FBXO33: variants seen among roughly 807,000 people sequenced by gnomAD.
FBXO33 encodes the protein F-box only protein 33.
In FBXO33, 22 loss-of-function variants were observed where a neutral mutation model predicts 46.3. The ratio of observed to expected loss-of-function variants is 0.48; its 90% CI spans 0.34 to 0.68. FBXO33 has a LOEUF of 0.68. Among genes scored for constraint, FBXO33 ranks in the 30% least tolerant of loss-of-function variants. FBXO33 has a pLI of 0.01. For missense variants in FBXO33, 692 were observed against 708.8 expected, an observed-to-expected ratio of 0.98 and a Z score of 0.27; for synonymous variants, 337 against 291.3, an observed-to-expected ratio of 1.16 and a Z score of -1.60.
Position 39,431,635 on chromosome 14 carries a change from A to G in FBXO33, c.528T>C (p.Ala176=), listed in dbSNP as rs1199053742. ...AGGTGCGCAGCACTTCCAGCCAACG[A>G]GCTGAGAGCTGCAGGGCCTCGACTT... The part of the protein sequence containing the change: ...GEEVEALQLS[A]RWLEVLRTYL... The change falls in exon 1 of 4, where the codon GCT becomes GCC. Residue 176 remains alanine (A), a synonymous_variant. Transcript: ENST00000298097. 2 of 1,613,678 alleles carry G rather than the reference A, an allele frequency of 1.2e-6. No individual in the cohort carries two copies. The highest frequency in any genetic ancestry group is 1.7e-6 in the Non-Finnish European group (2 of 1,180,014).
chr14:39,414,888 TGCTC>T (rs2075440294), intron 1 of FBXO33, among the ~76,000 whole-genome samples: 1 of 152,146 alleles, frequency 6.6e-6, no homozygotes, highest in African/African-American at 2.4e-5. Context: ...TAAACTCCTG[TGCTC>T]AAGTGATCTT....
rs1377478270 is a variant in FBXO33, at chr14:39,428,487, C to A, written c.599+3077G>T. On this transcript the variant is annotated intron_variant, in intron 1 of 3. Coordinates refer to ENST00000298097, the MANE Select transcript of FBXO33 (RefSeq NM_203301.4). ...AAAGTGCTGTCATTACAGGTGTGAG[C>A]CACCACCCCTGGCCAACGATATGAA... is the stretch of plus-strand genomic sequence containing the variant. 2.6e-5 allele frequency among the ~76,000 whole-genome samples: 4 copies of A among 152,214 alleles called. 1 individual carries two copies. Among genetic ancestry groups the A allele is most frequent in the South Asian group, 4.1e-4 (2 of 4,824 alleles).
intron 1 of FBXO33, among the ~76,000 whole-genome samples, chr14:39,406,789 A>G (rs368182497): frequency 2.6e-5 from 4 of 152,350 alleles, no homozygotes; most frequent in South Asian, 4.1e-4. Context: ...GGAAAGCAGT[A>G]GAGTCCACAC....
At chr14:39,404,427 T>C (rs935216461) in intron 1 of FBXO33, among the ~76,000 whole-genome samples, 23 of 152,018 alleles carry the variant, frequency 1.5e-4, no homozygotes, top group Non-Finnish European at 2.5e-4. Flanking sequence ...CCCGGGTTCA[T>C]GCCATTCTCC....
At chr14:39,421,593 A>T (rs1223304894) in intron 1 of FBXO33, among the ~76,000 whole-genome samples, 1 of 152,232 alleles carries the variant, frequency 6.6e-6, no homozygotes, top group East Asian at 1.9e-4. Flanking sequence ...TAAAAATTTC[A>T]GGTGACCATA....
intron 1 of FBXO33, among the ~76,000 whole-genome samples, chr14:39,420,544 A>G (rs1012949524): frequency 3.4e-4 from 52 of 152,188 alleles, no homozygotes; most frequent in African/African-American, 1.2e-3. Context: ...AAAATTAGCC[A>G]GGCGTGGTGG....
At chr14:39,424,532 C>T (rs1005215642) in intron 1 of FBXO33, among the ~76,000 whole-genome samples, 2 of 152,186 alleles carry the variant, frequency 1.3e-5, no homozygotes, top group Non-Finnish European at 2.9e-5. Context: ...CTACATCTCA[C>T]ACACCACAAA....
At chr14:39,430,917 C>T (rs917729395) in intron 1 of FBXO33, among the ~76,000 whole-genome samples, 4 of 152,128 alleles carry the variant, frequency 2.6e-5, no homozygotes, top group Non-Finnish European at 4.4e-5. Context: ...CCGCCTCCTC[C>T]GCCCGACTGT....
chr14:39,422,189 C>T (rs937085744), intron 1 of FBXO33, among the ~76,000 whole-genome samples: 11 of 152,118 alleles, frequency 7.2e-5, no homozygotes, highest in African/African-American at 1.4e-4. Context: ...AGCTGGGAGG[C>T]GGAGGTTGCA....
rs1327314679 is a variant in FBXO33, at chr14:39,432,139, C to T, written c.24G>A (p.Pro8=). The stretch of plus-strand genomic sequence containing the variant: ...TTCGAGCTCCCGGCGGTCGGGGCTG[C>T]GGCACTGACAAGAACAACAACATCA... MLLFLSV[P]QPRPPGARTR... Residue 8 remains proline, a synonymous_variant, in exon 1 of 4, where the codon CCG becomes CCA. Coordinates refer to ENST00000298097, the MANE Select transcript of FBXO33 (RefSeq NM_203301.4). 8.1e-7 allele frequency: 1 copy of T among 1,239,166 alleles called. No individual in the cohort carries two copies. The highest frequency in any genetic ancestry group is 3.2e-5 in the East Asian group (1 of 31,518). The allele number at this position is 1,239,166 out of a possible 1,614,324, so 76.8% of individuals were successfully genotyped here.
chr14:39,428,214 A>AT (rs1041520065), intron 1 of FBXO33, among the ~76,000 whole-genome samples: 9 of 151,424 alleles, frequency 5.9e-5, no homozygotes, highest in African/African-American at 1.9e-4. Flanking sequence ...TTTTTTTTAA[A>AT]TTTTTTTTTG....
rs1343235574 is a variant in FBXO33, at chr14:39,431,601, G to A, written c.562C>T (p.Leu188=). 5 of 1,613,248 alleles carry A rather than the reference G, an allele frequency of 3.1e-6. No homozygotes were observed. Among genetic ancestry groups the A allele is most frequent in the African/African-American group, 2.7e-5 (2 of 74,928 alleles). The change falls in exon 1 of 4, where the codon CTG becomes TTG. Residue 188 remains leucine (L), a synonymous_variant. Transcript: ENST00000298097. The part of the protein sequence containing the change: ...WLEVLRTYLE[L]VLCVLVSIRN... ...ATGCTGACCAGCACGCAAAGCACCA[G>A]CTCCAAGTAGGTGCGCAGCACTTCC... is the stretch of plus-strand genomic sequence containing the variant.
At chr14:39,414,345 A>G (rs1472305450) in intron 1 of FBXO33, among the ~76,000 whole-genome samples, 1 of 152,214 alleles carries the variant, frequency 6.6e-6, no homozygotes, top group African/African-American at 2.4e-5. Context: ...TAGACTTTGG[A>G]TTAAGGGAAT....
At chr14:39,422,557 C>A (rs2075490366) in intron 1 of FBXO33, among the ~76,000 whole-genome samples, 1 of 152,220 alleles carries the variant, frequency 6.6e-6, no homozygotes, top group South Asian at 2.1e-4. Flanking sequence ...TACAGATTTC[C>A]TTATCACCTT....
intron 1 of FBXO33, among the ~76,000 whole-genome samples, chr14:39,415,828 G>A (rs764384392): frequency 6.6e-6 from 1 of 151,972 alleles, no homozygotes; most frequent in African/African-American, 2.4e-5. Flanking sequence ...TACCATGCTC[G>A]ACTAGTTTTT....
At chr14:39,423,128 A>G (rs759409827) in intron 1 of FBXO33, among the ~76,000 whole-genome samples, 11 of 152,198 alleles carry the variant, frequency 7.2e-5, no homozygotes, top group Non-Finnish European at 1.5e-4. Context: ...TCTCAAAAAA[A>G]ACAAAAAGCT....
At chr14:39,421,634 A>C (rs773598590) in intron 1 of FBXO33, among the ~76,000 whole-genome samples, 1 of 152,328 alleles carries the variant, frequency 6.6e-6, no homozygotes, top group East Asian at 1.9e-4. Flanking sequence ...TCTGGGAGCA[A>C]TTAAACAGAC....
chr14:39,415,801 G>T (rs961365737), intron 1 of FBXO33, among the ~76,000 whole-genome samples: 2 of 151,968 alleles, frequency 1.3e-5, no homozygotes, highest in African/African-American at 4.8e-5. Flanking sequence ...CAAGTAGCTC[G>T]GTTTACAGGT....
At position 39,431,827 on chromosome 14, in the gene FBXO33, G is replaced by A. The variant is rs891086784; in HGVS notation, c.336C>T (p.Arg112=). ...CCGCGGGCGAGACGCGGAGGCAGAT[G>A]CGGAGCTGGGGCCACAGGGCCGGAT... The part of the protein sequence containing the change: ...LFYPALWPQL[R]ICLRVSPAEQ... Residue 112 remains arginine, a synonymous_variant, in exon 1 of 4, where the codon CGC becomes CGT. Coordinates refer to ENST00000298097, the MANE Select transcript of FBXO33 (RefSeq NM_203301.4). 3.1e-6 allele frequency: 5 copies of A among 1,608,296 alleles called. No homozygotes were observed. Among genetic ancestry groups the A allele is most frequent in the Middle Eastern group, 1.6e-4 (1 of 6,062 alleles).
Sources: gnomAD v4.1 joint callset for allele counts (sites outside exome capture counted in the v4.1 genomes callset) on GRCh38, gnomAD v4.1.1 for gene constraint, MANE v1.5 for transcripts, NCBI Gene and HGNC (gene_info 2026-07-23, HGNC 2026-07-21) for gene names.